Variants in SRGAP1 observed in about 807,000 individuals in gnomAD.
SRGAP1 encodes SLIT-ROBO Rho GTPase-activating protein 1.
SRGAP1 carries 43 observed loss-of-function variants against 121.9 expected under a neutral mutation model. The ratio of observed to expected loss-of-function variants is 0.35; its 90% CI spans 0.28 to 0.46. The LOEUF is 0.46. Ranked by LOEUF, SRGAP1 falls within the 20% of genes least tolerant of loss-of-function variation. The probability of loss-of-function intolerance (pLI) is 1.00; values close to 1 mark genes in which losing one functional copy is unlikely to be tolerated. For missense variants in SRGAP1, 1,102 were observed against 1,350.9 expected, an observed-to-expected ratio of 0.82 and a Z score of 2.89; for synonymous variants, 447 against 485.4, an observed-to-expected ratio of 0.92 and a Z score of 1.04.
At chr12:64,128,681 A>G (rs2036738281) in intron 21 of SRGAP1, among the ~76,000 whole-genome samples, 1 of 152,182 alleles carries the variant, frequency 6.6e-6, no homozygotes, top group South Asian at 2.1e-4. Context: ...AGATAGTGCA[A>G]ACCCCTACTG....
intron 10 of SRGAP1, among the ~76,000 whole-genome samples, chr12:64,084,718 TATC>T (rs2035908230): frequency 6.6e-6 from 1 of 152,190 alleles, no homozygotes; most frequent in Non-Finnish European, 1.5e-5. Context: ...GCATTTTACA[TATC>T]ATTTTCTAAA....
intron 7 of SRGAP1, 92 bp downstream of exon 7, chr12:64,063,230 G>C: frequency 1.7e-6 from 2 of 1,195,024 alleles, no homozygotes; most frequent in South Asian, 1.5e-5. Context: ...ATAATTCCCA[G>C]TTGTTTTCTC....
intron 1 of SRGAP1, among the ~76,000 whole-genome samples, chr12:63,943,811 T>C (rs1374970141): frequency 6.6e-6 from 1 of 152,186 alleles, no homozygotes; most frequent in Non-Finnish European, 1.5e-5. Flanking sequence ...GGTGATTTTT[T>C]TAGGCATCAG....
intron 1 of SRGAP1, among the ~76,000 whole-genome samples, chr12:63,943,411 A>G (rs776131440): frequency 3.3e-5 from 5 of 152,208 alleles, no homozygotes; most frequent in Non-Finnish European, 7.4e-5. Flanking sequence ...GCCCCCATCC[A>G]AGTGTATATA....
intron 1 of SRGAP1, among the ~76,000 whole-genome samples, chr12:63,979,126 G>A (rs138944822): frequency 1.5e-5 from 2 of 132,984 alleles, no homozygotes; most frequent in Non-Finnish European, 3.0e-5. Flanking sequence ...TGCAACCTCT[G>A]CCTGCCAGGT....
At chr12:64,113,416 A>T (rs2036466059) in intron 17 of SRGAP1, among the ~76,000 whole-genome samples, 1 of 152,132 alleles carries the variant, frequency 6.6e-6, no homozygotes, top group South Asian at 2.1e-4. Flanking sequence ...TCAAAAAAAT[A>T]AAAAAATTTA....
intron 15 of SRGAP1, among the ~76,000 whole-genome samples, chr12:64,107,175 C>A (rs146163454): frequency 6.6e-6 from 1 of 152,186 alleles, no homozygotes. Context: ...TTTTTCGTAC[C>A]TTTTCAGCTA....
At chr12:63,993,028 T>C (rs1051770723) in intron 3 of SRGAP1, among the ~76,000 whole-genome samples, 6 of 152,128 alleles carry the variant, frequency 3.9e-5, no homozygotes, top group African/African-American at 1.4e-4. Context: ...ATCTGTGTTA[T>C]TGCTGGAAGA....
At chr12:63,912,337 G>A (rs916242596) in intron 1 of SRGAP1, among the ~76,000 whole-genome samples, 20 of 151,938 alleles carry the variant, frequency 1.3e-4, no homozygotes, top group Admixed American at 9.2e-4. Context: ...GCTGGGCACC[G>A]TGGCTCAGAC....
At chr12:63,863,311 C>A (rs1325661873) in intron 1 of SRGAP1, among the ~76,000 whole-genome samples, 3 of 144,048 alleles carry the variant, frequency 2.1e-5, no homozygotes, top group African/African-American at 5.2e-5. Flanking sequence ...CTTACCTTAT[C>A]GCCCAGGCTG....
intron 1 of SRGAP1, among the ~76,000 whole-genome samples, chr12:63,938,852 C>G (rs925173388): frequency 4.6e-5 from 7 of 151,244 alleles, no homozygotes; most frequent in African/African-American, 1.7e-4. Flanking sequence ...TTGTGATATA[C>G]TTTTTTGATA....
intron 1 of SRGAP1, among the ~76,000 whole-genome samples, chr12:63,906,017 G>GC (rs1161098577): frequency 3.3e-5 from 5 of 152,042 alleles, no homozygotes. Context: ...CTAAAAGTTG[G>GC]CCCCCTCATC....
intron 1 of SRGAP1, among the ~76,000 whole-genome samples, chr12:63,855,090 C>A (rs1412675573): frequency 2.0e-5 from 3 of 152,166 alleles, no homozygotes; most frequent in Non-Finnish European, 4.4e-5. Context: ...GGGTAACAGA[C>A]TGGAGATGTC....
chr12:64,013,366 A>T (rs1456589268), intron 3 of SRGAP1, among the ~76,000 whole-genome samples: 1 of 152,196 alleles, frequency 6.6e-6, no homozygotes, highest in Non-Finnish European at 1.5e-5. Flanking sequence ...GAATACAAGG[A>T]TGTGTGAATT....
chr12:63,872,771 A>G (rs1287083175), intron 1 of SRGAP1, among the ~76,000 whole-genome samples: 1 of 152,234 alleles, frequency 6.6e-6, no homozygotes, highest in Non-Finnish European at 1.5e-5. Flanking sequence ...AGTGAAATAC[A>G]GTCCATGTCT....
At chr12:63,936,455 G>C (rs1324685578) in intron 1 of SRGAP1, among the ~76,000 whole-genome samples, 1 of 152,142 alleles carries the variant, frequency 6.6e-6, no homozygotes, top group African/African-American at 2.4e-5. Context: ...CTATGGGACG[G>C]CAAGGGGACA....
chr12:64,080,597 G>T, intron 10 of SRGAP1: 2 of 605,052 alleles, frequency 3.3e-6, no homozygotes, highest in South Asian at 3.6e-5. Flanking sequence ...GGGAGGGCTG[G>T]AAAGTCAATA....
intron 1 of SRGAP1, among the ~76,000 whole-genome samples, chr12:63,971,098 C>G (rs530883269): frequency 1.3e-5 from 2 of 152,320 alleles, no homozygotes; most frequent in East Asian, 3.9e-4. Context: ...CCATAGTACC[C>G]TTTCGGAGCC....
At chr12:63,900,420 A>C (rs1262781529) in intron 1 of SRGAP1, among the ~76,000 whole-genome samples, 1 of 151,594 alleles carries the variant, frequency 6.6e-6, no homozygotes, top group South Asian at 2.1e-4. Context: ...TTAGCCAGAT[A>C]GTATCAATCT....
Sources: allele counts gnomAD v4.1 joint callset (sites outside exome capture counted in the v4.1 genomes callset), GRCh38; gene constraint gnomAD v4.1.1; transcripts MANE v1.5; gene names NCBI Gene and HGNC (gene_info 2026-07-23, HGNC 2026-07-21).